The following SNX7 variants were observed in gnomAD, a reference collection of about 807,000 sequenced individuals.
SNX7 encodes sorting nexin 7.
A neutral mutation model predicts 48.4 loss-of-function variants in SNX7; 35 were observed. That is an observed-to-expected ratio of 0.72 (90% CI 0.55 to 0.96). The LOEUF (loss-of-function observed/expected upper bound fraction) is 0.96, where lower values mean the gene tolerates loss of function less well. Among genes scored for constraint, SNX7 ranks in the 40% least tolerant of loss-of-function variants. SNX7 has a pLI of 0.00. For missense variants in SNX7, 553 were observed against 548.9 expected, an observed-to-expected ratio of 1.01 and a Z score of -0.07; for synonymous variants, 190 against 190.2, an observed-to-expected ratio of 1.00 and a Z score of 0.01.
At chr1:98,689,983 G>A (rs1651027160) in intron 2 of SNX7, among the ~76,000 whole-genome samples, 1 of 152,036 alleles carries the variant, frequency 6.6e-6, no homozygotes, top group Non-Finnish European at 1.5e-5. Context: ...AAGATACATT[G>A]TATGATATTC....
At chr1:98,665,306 C>G (rs953284022) in intron 1 of SNX7, among the ~76,000 whole-genome samples, 1 of 151,906 alleles carries the variant, frequency 6.6e-6, no homozygotes, top group Non-Finnish European at 1.5e-5. Flanking sequence ...TTCCCTGAAA[C>G]TAGAGATAGG....
intron 4 of SNX7, among the ~76,000 whole-genome samples, chr1:98,693,679 G>A (rs1235632656): frequency 6.6e-6 from 1 of 152,048 alleles, no homozygotes; most frequent in Non-Finnish European, 1.5e-5. Context: ...TGTTATTATT[G>A]GCACAAAAGA....
intron 7 of SNX7, among the ~76,000 whole-genome samples, chr1:98,705,631 G>T (rs1285230080): frequency 6.6e-6 from 1 of 152,136 alleles, no homozygotes; most frequent in Non-Finnish European, 1.5e-5. Flanking sequence ...GGTAGAATGG[G>T]TATTATGAAA....
chr1:98,753,123 T>C (rs1453651735), intron 8 of SNX7, among the ~76,000 whole-genome samples: 1 of 152,084 alleles, frequency 6.6e-6, no homozygotes, highest in Admixed American at 6.6e-5. Context: ...TTATGAGGCT[T>C]AAAGAAGGTG....
At chr1:98,683,132 T>A (rs1353405779) in intron 1 of SNX7, among the ~76,000 whole-genome samples, 2 of 152,212 alleles carry the variant, frequency 1.3e-5, no homozygotes, top group Non-Finnish European at 2.9e-5. Flanking sequence ...CATGGTTTTT[T>A]AAAAAGTGTT....
At chr1:98,752,120 A>G (rs1454310650) in intron 8 of SNX7, among the ~76,000 whole-genome samples, 2 of 152,120 alleles carry the variant, frequency 1.3e-5, no homozygotes, top group African/African-American at 4.8e-5. Context: ...GTCTCACACC[A>G]GGTTTTGAGA....
intron 7 of SNX7, among the ~76,000 whole-genome samples, chr1:98,705,723 A>T (rs919530415): frequency 6.6e-6 from 1 of 152,116 alleles, no homozygotes; most frequent in Non-Finnish European, 1.5e-5. Context: ...GGAAGAGGGG[A>T]TGTGACTTAA....
intron 1 of SNX7, among the ~76,000 whole-genome samples, chr1:98,684,392 G>A (rs1350621632): frequency 6.6e-6 from 1 of 152,186 alleles, no homozygotes; most frequent in East Asian, 1.9e-4. Context: ...TATGCTGGCA[G>A]TTTTGGCCTC....
chr1:98,735,963 T>G (rs1362375236), intron 7 of SNX7, among the ~76,000 whole-genome samples: 1 of 152,108 alleles, frequency 6.6e-6, no homozygotes, highest in African/African-American at 2.4e-5. Context: ...AGTGAGTTCT[T>G]AAGTTCTTCT....
chr1:98,689,779 G>A (rs139080670), intron 2 of SNX7, among the ~76,000 whole-genome samples: 133 of 152,218 alleles, frequency 8.7e-4, no homozygotes, highest in Non-Finnish European at 1.5e-3. Flanking sequence ...TTTGCATATG[G>A]ACATACACTG....
At chr1:98,730,233 TA>T (rs34579083) in intron 7 of SNX7, among the ~76,000 whole-genome samples, 40,069 of 151,966 alleles carry the variant, frequency 0.26, 5,606 homozygotes, top group Middle Eastern at 0.31. Context: ...AAACTCTCAA[TA>T]AACTAGATAT....
intron 3 of SNX7, 46 bp from the exon 4 acceptor site, chr1:98,691,489 T>A (rs781211954): frequency 5.5e-6 from 8 of 1,466,824 alleles, no homozygotes; most frequent in Non-Finnish European, 6.4e-6. Context: ...CTTATAAACC[T>A]ATGGCTAATA....
intron 7 of SNX7, among the ~76,000 whole-genome samples, chr1:98,733,855 T>G (rs569093314): frequency 6.6e-6 from 1 of 152,170 alleles, no homozygotes; most frequent in African/African-American, 2.4e-5. Context: ...TCCTTTCTTC[T>G]CCTCCTTTGT....
intron 8 of SNX7, among the ~76,000 whole-genome samples, chr1:98,747,826 A>AT (rs1179018609): frequency 1.3e-5 from 2 of 152,118 alleles, no homozygotes; most frequent in Non-Finnish European, 2.9e-5. Context: ...ATTCTTAAGT[A>AT]TTATGTACTT....
At chr1:98,729,059 A>C (rs1378600609) in intron 7 of SNX7, among the ~76,000 whole-genome samples, 1 of 152,214 alleles carries the variant, frequency 6.6e-6, no homozygotes, top group African/African-American at 2.4e-5. Context: ...AACATTCCTC[A>C]ACAAATACAA....
At chr1:98,735,745 T>C (rs4298760) in intron 7 of SNX7, among the ~76,000 whole-genome samples, 42,031 of 152,054 alleles carry the variant, frequency 0.28, 6,130 homozygotes, top group Middle Eastern at 0.31. Flanking sequence ...CTATGAAATG[T>C]ATGTTATTAT....
intron 8 of SNX7, among the ~76,000 whole-genome samples, chr1:98,758,912 G>GA (rs952541809): frequency 2.0e-5 from 3 of 149,858 alleles, no homozygotes; most frequent in Non-Finnish European, 3.0e-5. Flanking sequence ...TCTTCAGTTT[G>GA]AAAAAAATGT....
intron 8 of SNX7, among the ~76,000 whole-genome samples, chr1:98,747,978 C>CTTTTTTTTTTT: frequency 7.6e-6 from 1 of 131,922 alleles, no homozygotes; most frequent in Non-Finnish European, 1.6e-5. Flanking sequence ...CAGGTTTTTA[C>CTTTTTTTTTTT]TTTTTTTTTT....
At chr1:98,756,846 A>T (rs1654881787) in intron 8 of SNX7, among the ~76,000 whole-genome samples, 1 of 152,064 alleles carries the variant, frequency 6.6e-6, no homozygotes, top group South Asian at 2.1e-4. Flanking sequence ...AGGGATACTA[A>T]TATAGTTTAG....
Sources: allele counts gnomAD v4.1 joint callset (sites outside exome capture counted in the v4.1 genomes callset), GRCh38; gene constraint gnomAD v4.1.1; transcripts MANE v1.5; gene names NCBI Gene and HGNC (gene_info 2026-07-23, HGNC 2026-07-21).